The following STAC variants were observed in gnomAD, a reference collection of about 807,000 sequenced individuals.
STAC encodes SH3 and cysteine rich domain.
Under a neutral mutation model 48.8 loss-of-function variants are expected in STAC, and 43 were observed. That is an observed-to-expected ratio of 0.88 (90% CI 0.69 to 1.14). STAC has a LOEUF of 1.14. Ranked by LOEUF, STAC falls within the 50% of genes most tolerant of loss-of-function variation. The pLI, the probability that STAC is intolerant of heterozygous loss-of-function variation, is 0.00. For missense variants in STAC, 497 were observed against 504.0 expected, an observed-to-expected ratio of 0.99 and a Z score of 0.13; for synonymous variants, 193 against 179.5, an observed-to-expected ratio of 1.07 and a Z score of -0.60.
intron 10 of STAC, among the ~76,000 whole-genome samples, chr3:36,533,482 T>A (rs1193272950): frequency 8.7e-6 from 1 of 115,374 alleles, no homozygotes; most frequent in African/African-American, 4.0e-5. Flanking sequence ...CATGTTTTTT[T>A]TTTTTTTTTT....
chr3:36,390,718 T>C (rs955039792), intron 1 of STAC, among the ~76,000 whole-genome samples: 10 of 152,134 alleles, frequency 6.6e-5, no homozygotes, highest in African/African-American at 1.4e-4. Flanking sequence ...AGAAAATGAA[T>C]TGGGAACATG....
At chr3:36,533,689 G>C (rs1699128029) in intron 10 of STAC, among the ~76,000 whole-genome samples, 1 of 151,784 alleles carries the variant, frequency 6.6e-6, no homozygotes, top group African/African-American at 2.4e-5. Context: ...CTGGGACTGG[G>C]CCTCATACCT....
chr3:36,475,014 C>T (rs948302081), intron 2 of STAC, among the ~76,000 whole-genome samples: 5 of 152,052 alleles, frequency 3.3e-5, no homozygotes, highest in Middle Eastern at 3.2e-3. Context: ...TGTGTGTGCG[C>T]GCGCGCACGC....
chr3:36,428,511 A>G (rs76995243), intron 1 of STAC, among the ~76,000 whole-genome samples: 31,218 of 152,186 alleles, frequency 0.21, 3,395 homozygotes, highest in Admixed American at 0.24. Flanking sequence ...CAAGTCTTCA[A>G]AATAAAAAGT....
chr3:36,485,290 G>T (rs1172930859), intron 4 of STAC, among the ~76,000 whole-genome samples: 2 of 152,076 alleles, frequency 1.3e-5, no homozygotes, highest in East Asian at 1.9e-4. Flanking sequence ...AATCCCAAAG[G>T]CTACTGATTA....
chr3:36,394,822 G>A (rs979186412), intron 1 of STAC, among the ~76,000 whole-genome samples: 1 of 151,838 alleles, frequency 6.6e-6, no homozygotes, highest in Non-Finnish European at 1.5e-5. Context: ...GCTTGAACCT[G>A]GGAGGCGGAG....
intron 1 of STAC, among the ~76,000 whole-genome samples, chr3:36,421,974 A>G (rs2125645099): frequency 6.6e-6 from 1 of 152,250 alleles, no homozygotes; most frequent in African/African-American, 2.4e-5. Context: ...AAAAGTAGAG[A>G]GTATATAAAA....
At chr3:36,533,031 A>G (rs1401561259) in intron 10 of STAC, among the ~76,000 whole-genome samples, 9 of 152,252 alleles carry the variant, frequency 5.9e-5, no homozygotes. Context: ...GTAAGTGTCC[A>G]GAATGGAACA....
At chr3:36,413,261 T>C (rs1055298308) in intron 1 of STAC, among the ~76,000 whole-genome samples, 3 of 145,204 alleles carry the variant, frequency 2.1e-5, no homozygotes, top group Non-Finnish European at 4.6e-5. Context: ...ATCTGTCTAA[T>C]GTTGACAGTG....
intron 2 of STAC, among the ~76,000 whole-genome samples, chr3:36,465,322 CTGATT>C (rs1330712265): frequency 3.9e-5 from 6 of 152,038 alleles, no homozygotes; most frequent in African/African-American, 1.4e-4. Flanking sequence ...TATTTTCTTC[CTGATT>C]TGTTTGAGTT....
At chr3:36,531,501 G>C (rs754622587) in intron 10 of STAC, among the ~76,000 whole-genome samples, 3 of 152,172 alleles carry the variant, frequency 2.0e-5, no homozygotes, top group African/African-American at 7.2e-5. Flanking sequence ...GAGAGATGCA[G>C]ACAGGGCCTG....
At chr3:36,458,241 G>A (rs1696905910) in intron 2 of STAC, among the ~76,000 whole-genome samples, 1 of 152,064 alleles carries the variant, frequency 6.6e-6, no homozygotes, top group African/African-American at 2.4e-5. Context: ...GATGGAATGG[G>A]TTATTTTTCA....
chr3:36,486,143 A>G lies in STAC; in HGVS notation c.581A>G (p.Asn194Ser). ...TTCTCTTCTGTTGCAGCCTGTGGCA[A>G]TAAGGTGGACCCTGTCTACGAGACC... The part of the protein sequence containing the change: ...IKEVMPIACG[N>S]KVDPVYETLR... The change falls in exon 5 of 11, where the codon AAT becomes AGT. Residue 194 changes from asparagine (N) to serine (S), a missense_variant. Coordinates refer to ENST00000273183, the MANE Select transcript of STAC (RefSeq NM_003149.3). 2 of 1,613,092 alleles carry G rather than the reference A, an allele frequency of 1.2e-6. No individual in the cohort carries two copies. The highest frequency in any genetic ancestry group is 1.1e-5 in the South Asian group (1 of 90,882).
At chr3:36,394,692 T>G (rs1181869256) in intron 1 of STAC, among the ~76,000 whole-genome samples, 1 of 151,710 alleles carries the variant, frequency 6.6e-6, no homozygotes, top group African/African-American at 2.4e-5. Flanking sequence ...AAGTCAGGAG[T>G]TAGGGACCAG....
intron 2 of STAC, among the ~76,000 whole-genome samples, chr3:36,470,714 C>A (rs73827506): frequency 0.031 from 4,746 of 152,332 alleles, 221 homozygotes; most frequent in African/African-American, 0.11. Flanking sequence ...TGAGTCTGCA[C>A]AAGCTGCTGT....
intron 2 of STAC, among the ~76,000 whole-genome samples, chr3:36,464,748 T>C (rs1471369791): frequency 6.6e-6 from 1 of 152,184 alleles, no homozygotes; most frequent in East Asian, 1.9e-4. Context: ...TAGTCTCCGA[T>C]TCCATCCAGG....
At chr3:36,492,545 T>TGATCAGG (rs1698020232) in intron 5 of STAC, among the ~76,000 whole-genome samples, 1 of 152,218 alleles carries the variant, frequency 6.6e-6, no homozygotes, top group African/African-American at 2.4e-5. Flanking sequence ...ACATGGTAAG[T>TGATCAGG]GATCAGGAAG....
chr3:36,496,675 T>C (rs1698160536), intron 6 of STAC, among the ~76,000 whole-genome samples: 1 of 152,220 alleles, frequency 6.6e-6, no homozygotes, highest in Non-Finnish European at 1.5e-5. Context: ...CCTGGATGCA[T>C]CATAAATATA....
chr3:36,398,428 G>GTA (rs1254411075), intron 1 of STAC, among the ~76,000 whole-genome samples: 14 of 39,910 alleles, frequency 3.5e-4, no homozygotes, highest in Non-Finnish European at 7.3e-4. Flanking sequence ...AGGAAGGAAG[G>GTA]AAGGAAGGAA....
Sources: gnomAD v4.1 joint callset for allele counts (sites outside exome capture counted in the v4.1 genomes callset) on GRCh38, gnomAD v4.1.1 for gene constraint, MANE v1.5 for transcripts, NCBI Gene and HGNC (gene_info 2026-07-23, HGNC 2026-07-21) for gene names.